The following MYT1L variants were observed in gnomAD, a reference collection of about 807,000 sequenced individuals.
MYT1L encodes myelin transcription factor 1-like protein.
Under a neutral mutation model 126.7 loss-of-function variants are expected in MYT1L, and 12 were observed. That is an observed-to-expected ratio of 0.09 (90% CI 0.06 to 0.15). The LOEUF is 0.15. Among genes scored for constraint, MYT1L ranks in the 10% least tolerant of loss-of-function variants. MYT1L has a pLI of 1.00. For synonymous variants in MYT1L, 541 were observed against 604.2 expected (o/e 0.90, Z 1.53); for missense variants, 979 against 1,585.2 (o/e 0.62, Z 6.49).
chr2:2,216,602 C>T (rs943560025), intron 2 of MYT1L, among the ~76,000 whole-genome samples: 4 of 151,954 alleles, frequency 2.6e-5, no homozygotes, highest in Non-Finnish European at 5.9e-5. Flanking sequence ...CCGCCTTAAG[C>T]AACTAGAAAG....
rs1008739251 is a variant in MYT1L, at chr2:1,793,073, C to T, written c.3277-609G>A. Among the ~76,000 whole-genome samples the T allele has an allele frequency of 6.6e-6, 1 of 152,060 alleles. No individual in the cohort carries two copies. Among genetic ancestry groups the T allele is most frequent in the Non-Finnish European group, 1.5e-5 (1 of 68,012 alleles). On this transcript the variant is annotated intron_variant, in intron 23 of 24. Coordinates refer to ENST00000647738, the MANE Select transcript of MYT1L (RefSeq NM_001303052.2). The surrounding 1 kb of genome is among the most constrained non-coding windows in gnomAD (Gnocchi z 4.6). Reference sequence around the variant, plus strand: ...GATGCGAATACTTCTCCTTTCTAGCCTGAATAAAATTCTGCCACAGCTAAG... The same window carrying T: ...GATGCGAATACTTCTCCTTTCTAGCTTGAATAAAATTCTGCCACAGCTAAG...
rs1206562738 is a variant in MYT1L, at chr2:1,848,448, C to T, written c.2774+3193G>A. 1.3e-5 allele frequency among the ~76,000 whole-genome samples: 2 copies of T among 152,046 alleles called. No individual in the cohort carries two copies. Among genetic ancestry groups the T allele is most frequent in the African/African-American group, 2.4e-5 (1 of 41,388 alleles). On this transcript the variant is annotated intron_variant, in intron 19 of 24. Transcript: ENST00000647738. This position sits in a 1 kb window ranked among gnomAD's most constrained non-coding sequence, Gnocchi z 4.8. ...TTCAGGATCATTGTTTGGTGACTTCCCCTCTCACAACAGCCCACAGTACAG... is the reference window on the plus strand; with the variant it reads ...TTCAGGATCATTGTTTGGTGACTTCTCCTCTCACAACAGCCCACAGTACAG...
At chr2:2,147,711 C>T (rs532178735) in intron 3 of MYT1L, among the ~76,000 whole-genome samples, 11 of 152,162 alleles carry the variant, frequency 7.2e-5, no homozygotes, top group African/African-American at 2.4e-4. Flanking sequence ...AACCTGCTCA[C>T]GAGAGCTGAA....
intron 3 of MYT1L, among the ~76,000 whole-genome samples, chr2:2,158,461 A>G (rs1380773230): frequency 6.6e-6 from 1 of 152,210 alleles, no homozygotes; most frequent in African/African-American, 2.4e-5. Flanking sequence ...ACAAATGCGC[A>G]CCATGAGATC....
Position 2,270,513 on chromosome 2 carries a change from G to T in MYT1L, c.-421+13891C>A, listed in dbSNP as rs1325958913. ...GGGAATGATCTGTCACTGAATCAGAGGTCTGTTCCACTTGAGATTTGCCCC... is the reference window on the plus strand; with the variant it reads ...GGGAATGATCTGTCACTGAATCAGATGTCTGTTCCACTTGAGATTTGCCCC... On this transcript the variant is annotated intron_variant, in intron 2 of 24. Coordinates refer to ENST00000647738, the MANE Select transcript of MYT1L (RefSeq NM_001303052.2). Among the ~76,000 whole-genome samples the T allele has an allele frequency of 3.3e-5, 5 of 152,194 alleles. No individual in the cohort carries two copies. The East Asian group carries it at 9.7e-4, about 29-fold the overall frequency.
chr2:1,923,386 G>A (rs2053821216), intron 9 of MYT1L, 123 bp from the exon 10 acceptor site: 1 of 815,018 alleles, frequency 1.2e-6, no homozygotes, highest in Non-Finnish European at 1.9e-6. Context: ...TCATCTCACA[G>A]AACTGTAAGT....
chr2:1,889,169 A>G lies in MYT1L; in HGVS notation c.2520+72T>C. 8.6e-7 allele frequency: 1 copy of G among 1,166,300 alleles called. No homozygotes were observed. The highest frequency in any genetic ancestry group is 1.3e-6 in the Non-Finnish European group (1 of 796,572). 72.2% of individuals were successfully genotyped at this position (1,166,300 alleles called of 1,614,324 possible). A position where few individuals can be genotyped will look rare whatever the true frequency, so the allele number is the denominator to read the frequency against. On this transcript the variant is annotated intron_variant, in intron 16 of 24. Transcript: ENST00000647738. This position sits in a 1 kb window ranked among gnomAD's most constrained non-coding sequence, Gnocchi z 4.1. ...ATATTTTCTCATAACGTATGTGCAA[A>G]TGGCTTTTCTTTCAGCTGGGGCCCC...
At chr2:2,270,049 G>T (rs2149335798) in intron 2 of MYT1L, among the ~76,000 whole-genome samples, 1 of 152,310 alleles carries the variant, frequency 6.6e-6, no homozygotes, top group African/African-American at 2.4e-5. Flanking sequence ...GGCGTGTGGA[G>T]AGTCATTAGG....
chr2:2,063,219 A>C (rs185419263), intron 3 of MYT1L, among the ~76,000 whole-genome samples: 2 of 152,264 alleles, frequency 1.3e-5, no homozygotes, highest in African/African-American at 4.8e-5. Context: ...CAGCAAACCC[A>C]ATGTAGCTTC....
chr2:2,252,197 A>G (rs541175668), intron 2 of MYT1L, among the ~76,000 whole-genome samples: 123 of 152,186 alleles, frequency 8.1e-4, no homozygotes, highest in African/African-American at 2.9e-3. Flanking sequence ...AGGGTGTCCA[A>G]ATGGTCTGAC....
chr2:1,971,788 C>T (rs887302109), intron 8 of MYT1L, among the ~76,000 whole-genome samples: 5 of 152,050 alleles, frequency 3.3e-5, no homozygotes, highest in African/African-American at 1.2e-4. Flanking sequence ...TTTGTGTCTG[C>T]AAATCCTATG....
At chr2:2,289,568 T>C (rs2095569209) in intron 1 of MYT1L, among the ~76,000 whole-genome samples, 1 of 152,166 alleles carries the variant, frequency 6.6e-6, no homozygotes, top group Non-Finnish European at 1.5e-5. Flanking sequence ...TGCAAATCGC[T>C]GTGTTCACTT....
At chr2:1,961,868 G>C (rs150199180) in intron 8 of MYT1L, among the ~76,000 whole-genome samples, 1 of 152,162 alleles carries the variant, frequency 6.6e-6, no homozygotes. Flanking sequence ...TTTGACAGAA[G>C]AAATATGAAC....
intron 3 of MYT1L, among the ~76,000 whole-genome samples, chr2:2,113,275 A>C (rs1431661535): frequency 1.3e-5 from 2 of 152,226 alleles, no homozygotes; most frequent in Non-Finnish European, 1.5e-5. Flanking sequence ...TTGGTCCTCC[A>C]AGCTGCAAAA....
intron 2 of MYT1L, among the ~76,000 whole-genome samples, chr2:2,185,163 C>T (rs964563080): frequency 7.9e-5 from 12 of 152,120 alleles, no homozygotes; most frequent in African/African-American, 2.9e-4. Flanking sequence ...GCATTCCACT[C>T]TTATATACAA....
intron 2 of MYT1L, among the ~76,000 whole-genome samples, chr2:2,185,614 C>G (rs2148681393): frequency 7.0e-6 from 1 of 143,712 alleles, no homozygotes; most frequent in Non-Finnish European, 1.5e-5. Flanking sequence ...CTTCCCGAGT[C>G]CCGCGTTCCT....
chr2:2,050,052 C>A (rs1044930779), intron 4 of MYT1L, among the ~76,000 whole-genome samples: 1 of 151,876 alleles, frequency 6.6e-6, no homozygotes, highest in African/African-American at 2.4e-5. Context: ...CTTTTAGAAC[C>A]AAGCTTGGTA....
At chr2:2,269,113 C>T (rs888841599) in intron 2 of MYT1L, among the ~76,000 whole-genome samples, 5 of 152,114 alleles carry the variant, frequency 3.3e-5, no homozygotes, top group Non-Finnish European at 5.9e-5. Context: ...TCAGGGCCTC[C>T]CAAGGCCATC....
chr2:1,861,299 G>T (rs2044558882), intron 18 of MYT1L, among the ~76,000 whole-genome samples: 1 of 152,088 alleles, frequency 6.6e-6, no homozygotes, highest in African/African-American at 2.4e-5. Flanking sequence ...GAATTCAAAA[G>T]CAGATCAGTT....
Sources: allele counts gnomAD v4.1 joint callset (sites outside exome capture counted in the v4.1 genomes callset), GRCh38; gene constraint gnomAD v4.1.1; non-coding constraint Gnocchi (gnomAD v3.1); transcripts MANE v1.5; gene names NCBI Gene and HGNC (gene_info 2026-07-23, HGNC 2026-07-21).